The following RGS6 variants were observed in gnomAD, a reference collection of about 807,000 sequenced individuals.
RGS6 encodes the protein regulator of G protein signaling 6, also known as regulator of G-protein signaling 6.
Under a neutral mutation model 78.5 loss-of-function variants are expected in RGS6, and 30 were observed. The ratio of observed to expected loss-of-function variants is 0.38; its 90% CI spans 0.29 to 0.52. RGS6 has a LOEUF of 0.52. Among genes scored for constraint, RGS6 ranks in the 20% least tolerant of loss-of-function variants. The probability of loss-of-function intolerance (pLI) is 0.85; values close to 1 mark genes in which losing one functional copy is unlikely to be tolerated. For missense variants in RGS6, 495 were observed against 609.7 expected (o/e 0.81, Z 1.98); for synonymous variants, 206 against 206.0 (o/e 1.00, Z 0.00).
chr14:72,531,584 G>T (rs1232223551), intron 15 of RGS6, among the ~76,000 whole-genome samples: 1 of 152,126 alleles, frequency 6.6e-6, no homozygotes, highest in Admixed American at 6.5e-5. Context: ...GATTCTTTGG[G>T]TTCCAACCAA....
intron 2 of RGS6, among the ~76,000 whole-genome samples, chr14:72,116,415 G>A (rs538846060): frequency 6.6e-6 from 1 of 152,022 alleles, no homozygotes; most frequent in South Asian, 2.1e-4. Context: ...ATTTTCTGTT[G>A]GGTAATTCTC....
At chr14:72,601,213 C>T in the RGS6 span, among the ~76,000 whole-genome samples, 2 of 152,202 alleles carry the variant, frequency 1.3e-5, no homozygotes, top group African/African-American at 4.8e-5. Context: ...AGCACTCACT[C>T]ACACACCCTT....
chr14:71,915,471 C>T, the RGS6 span, among the ~76,000 whole-genome samples: 2 of 152,022 alleles, frequency 1.3e-5, no homozygotes, highest in Admixed American at 1.3e-4. Flanking sequence ...GGGTGGATTT[C>T]GAGGCTGCAA....
intron 2 of RGS6, among the ~76,000 whole-genome samples, chr14:72,311,337 T>G (rs1178102745): frequency 1.3e-5 from 2 of 152,238 alleles, no homozygotes; most frequent in African/African-American, 4.8e-5. Flanking sequence ...ATTCTTACAT[T>G]TTTTAAATAA....
At chr14:72,152,312 G>T (rs1218905394) in intron 2 of RGS6, among the ~76,000 whole-genome samples, 1 of 151,852 alleles carries the variant, frequency 6.6e-6, no homozygotes, top group African/African-American at 2.4e-5. Context: ...AAGTCCAGCA[G>T]GTAGAAGTTA....
chr14:72,398,373 T>C (rs1315315272), intron 3 of RGS6, among the ~76,000 whole-genome samples: 1 of 152,238 alleles, frequency 6.6e-6, no homozygotes, highest in African/African-American at 2.4e-5. Flanking sequence ...TGGTAGTTTG[T>C]ATTTCTGTGG....
At chr14:72,297,247 G>A (rs1260750202) in intron 2 of RGS6, among the ~76,000 whole-genome samples, 6 of 151,934 alleles carry the variant, frequency 3.9e-5, no homozygotes, top group Non-Finnish European at 7.4e-5. Context: ...GAATGTTTGG[G>A]CTATTCTAGG....
At chr14:72,126,258 G>C (rs2096189568) in intron 2 of RGS6, among the ~76,000 whole-genome samples, 1 of 152,232 alleles carries the variant, frequency 6.6e-6, no homozygotes, top group African/African-American at 2.4e-5. Flanking sequence ...TGCCAGAGAA[G>C]GGTAGCCTTT....
intron 1 of RGS6, among the ~76,000 whole-genome samples, chr14:71,950,696 A>T (rs569806581): frequency 1.9e-3 from 297 of 152,360 alleles, no homozygotes; most frequent in African/African-American, 6.9e-3. Flanking sequence ...TCCAGAGTCT[A>T]CAAGGAACTT....
chr14:72,593,652 G>T, the RGS6 span, among the ~76,000 whole-genome samples: 1 of 152,160 alleles, frequency 6.6e-6, no homozygotes, highest in Admixed American at 6.5e-5. Context: ...CTCCCAAAGC[G>T]CTGGGATTAC....
At chr14:72,254,741 A>G (rs1708278059) in intron 2 of RGS6, among the ~76,000 whole-genome samples, 1 of 152,144 alleles carries the variant, frequency 6.6e-6, no homozygotes, top group Non-Finnish European at 1.5e-5. Context: ...TCAATCCTAC[A>G]TGGAGCTACA....
chr14:72,197,375 C>A (rs1204238028), intron 2 of RGS6, among the ~76,000 whole-genome samples: 1 of 151,998 alleles, frequency 6.6e-6, no homozygotes, highest in African/African-American at 2.4e-5. Flanking sequence ...CAAATGTTTT[C>A]TAGTTAAGTT....
At chr14:72,430,621 G>C (rs4903016) in intron 3 of RGS6, among the ~76,000 whole-genome samples, 54,040 of 151,990 alleles carry the variant, frequency 0.36, 9,973 homozygotes, top group Admixed American at 0.46. Flanking sequence ...AGTTATGAAA[G>C]CCTTCTCTCC....
intron 3 of RGS6, among the ~76,000 whole-genome samples, chr14:72,434,967 A>C (rs1166930201): frequency 6.6e-6 from 1 of 152,144 alleles, no homozygotes; most frequent in East Asian, 1.9e-4. Context: ...TAACAAGAAA[A>C]ATTTTAGAGA....
chr14:71,982,811 C>T (rs997252184), intron 2 of RGS6, among the ~76,000 whole-genome samples: 3 of 152,180 alleles, frequency 2.0e-5, no homozygotes, highest in Non-Finnish European at 4.4e-5. Flanking sequence ...TGCCCTCAAA[C>T]ATGTTTAACA....
chr14:72,512,412 G>C (rs184849369), intron 14 of RGS6, among the ~76,000 whole-genome samples: 8 of 152,310 alleles, frequency 5.3e-5, no homozygotes, highest in African/African-American at 1.7e-4. Context: ...AGTGCACCAA[G>C]GAGTGTGTCC....
chr14:72,469,264 G>T (rs1285977072), intron 7 of RGS6, among the ~76,000 whole-genome samples: 2 of 150,568 alleles, frequency 1.3e-5, no homozygotes, highest in African/African-American at 4.9e-5. Context: ...CAGTGCAGTG[G>T]CAGGATCTCG....
At chr14:71,938,809 G>A (rs1328697516) in intron 1 of RGS6, among the ~76,000 whole-genome samples, 3 of 152,162 alleles carry the variant, frequency 2.0e-5, no homozygotes, top group South Asian at 2.1e-4. Flanking sequence ...CCAGTCAAAC[G>A]TTCAGTTTCC....
Position 72,284,359 on chromosome 14 carries a change from G to C in RGS6, c.85-67736G>C, listed in dbSNP as rs538978966. 3.5e-3 allele frequency among the ~76,000 whole-genome samples: 527 copies of C among 151,982 alleles called. 6 individuals are homozygous for C. Among genetic ancestry groups the C allele is most frequent in the Admixed American group, 8.7e-3 (133 of 15,286 alleles). ...CCCAGAGGCCTAGGAGGAAAAAATG[G>C]CCCCCCCACCTGCTATGTGCAGCTT... On this transcript the variant is annotated intron_variant, in intron 2 of 17. Transcript: ENST00000553525.
Sources: gnomAD v4.1 joint callset for allele counts (sites outside exome capture counted in the v4.1 genomes callset) on GRCh38, gnomAD v4.1.1 for gene constraint, MANE v1.5 for transcripts, NCBI Gene and HGNC (gene_info 2026-07-23, HGNC 2026-07-21) for gene names.